The following TRIM23 variants were observed in gnomAD, a reference collection of about 807,000 sequenced individuals.
TRIM23 encodes the protein E3 ubiquitin-protein ligase TRIM23.
Under a neutral mutation model 71.0 loss-of-function variants are expected in TRIM23, and 27 were observed. The ratio of observed to expected loss-of-function variants is 0.38; its 90% CI spans 0.28 to 0.52. TRIM23 has a LOEUF of 0.52. Ranked by LOEUF, TRIM23 falls within the 20% of genes least tolerant of loss-of-function variation. TRIM23 has a pLI of 0.84. For synonymous variants in TRIM23, 234 were observed against 238.0 expected, an observed-to-expected ratio of 0.98 and a Z score of 0.16; for missense variants, 482 against 692.3, an observed-to-expected ratio of 0.70 and a Z score of 3.41.
chr5:65,622,236 G>A (rs2150645925), intron 1 of TRIM23, among the ~76,000 whole-genome samples: 1 of 152,294 alleles, frequency 6.6e-6, no homozygotes, highest in East Asian at 1.9e-4. Context: ...CACAAACTCA[G>A]CTCACTGCAA....
At position 65,624,234 on chromosome 5, in the gene TRIM23, T is replaced by C; in HGVS notation, c.41A>G (p.Asp14Gly). 6.2e-7 allele frequency: 1 copy of C among 1,614,194 alleles called. No individual in the cohort carries two copies. Among genetic ancestry groups the C allele is most frequent in the South Asian group, 1.1e-5 (1 of 91,086 alleles). The change falls in exon 1 of 11, where the codon GAC becomes GGC. Residue 14 changes from aspartate (D) to glycine (G), a missense_variant. Physicochemically the swap from Asp to Gly is moderately conservative, Grantham distance 94. This residue lies in a region of TRIM23 where 175 missense variants were observed against 196.5 expected (regional missense o/e 0.89). Transcript: ENST00000231524. Reference protein sequence around the residue: ...LVVNKLGAGVDSGRQGSRGTA... With the variant: ...LVVNKLGAGVGSGRQGSRGTA... Reference sequence around the variant, plus strand: ...CCCCCGGCTGCCCTGCCGGCCACTGTCTACTCCCGCTCCGAGCTTGTTTAC... The same window carrying C: ...CCCCCGGCTGCCCTGCCGGCCACTGCCTACTCCCGCTCCGAGCTTGTTTAC...
Position 65,591,905 on chromosome 5 carries a change from A to G in TRIM23, c.1589T>C (p.Leu530Pro). The G allele has an allele frequency of 6.2e-7, 1 of 1,613,922 alleles. No individual in the cohort carries two copies. Among genetic ancestry groups the G allele is most frequent in the Non-Finnish European group, 8.5e-7 (1 of 1,179,888 alleles). Residue 530 changes from leucine (L) to proline (P), a missense_variant, in exon 11 of 11, where the codon CTC (leucine) becomes CCC (proline). Leu to Pro is a moderately conservative substitution (Grantham distance 98). Coordinates refer to ENST00000231524, the MANE Select transcript of TRIM23 (RefSeq NM_001656.4). ...ALSVEEITELLSLHKLCCGRS... is the reference protein window; with the variant it reads ...ALSVEEITELPSLHKLCCGRS... ...GCCACAGCATAATTTATGGAGACTG[A>G]GTAGTTCAGTGATTTCTTCTACTGA...
intron 2 of TRIM23, among the ~76,000 whole-genome samples, chr5:65,616,977 CT>C (rs1754793508): frequency 6.6e-6 from 1 of 152,152 alleles, no homozygotes; most frequent in South Asian, 2.1e-4. Context: ...CCATCTTAGC[CT>C]TGCAAAGTTC....
intron 3 of TRIM23, chr5:65,613,779 T>C: frequency 8.0e-7 from 1 of 1,253,000 alleles, no homozygotes; most frequent in Non-Finnish European, 1.0e-6. Flanking sequence ...TTTTGCATCC[T>C]CTTCTCTACT....
intron 2 of TRIM23, among the ~76,000 whole-genome samples, chr5:65,617,673 T>C (rs145282586): frequency 1.4e-4 from 22 of 152,332 alleles, no homozygotes; most frequent in African/African-American, 4.1e-4. Flanking sequence ...CTTCTGTCCT[T>C]GATATTAGTA....
At chr5:65,614,781 G>A (rs1257293663) in intron 2 of TRIM23, among the ~76,000 whole-genome samples, 2 of 151,750 alleles carry the variant, frequency 1.3e-5, no homozygotes, top group Non-Finnish European at 2.9e-5. Context: ...AAATTATGGT[G>A]GTAAAGGCTG....
chr5:65,594,662 A>T lies in TRIM23; in HGVS notation c.1421-17T>A, dbSNP rs761987393. 2.7e-5 allele frequency: 42 copies of T among 1,532,046 alleles called. No homozygotes were observed. Among genetic ancestry groups the T allele is most frequent in the African/African-American group, 2.3e-4 (16 of 70,786 alleles). The allele number at this position is 1,532,046 out of a possible 1,614,324, so 94.9% of individuals were successfully genotyped here. ...ACACAACAGCTACCCAAAAAAAAAT[A>T]AAAAAAACAAAAATAGTCACTTGCT... On this transcript the variant is annotated splice_polypyrimidine_tract_variant and intron_variant, in intron 9 of 10. Transcript: ENST00000231524.
intron 2 of TRIM23, 93 bp from the exon 3 acceptor site, chr5:65,614,312 G>C: frequency 8.5e-7 from 1 of 1,175,182 alleles, no homozygotes; most frequent in Non-Finnish European, 1.2e-6. Context: ...ATATAGTTCA[G>C]TAGTTAATGT....
intron 7 of TRIM23, among the ~76,000 whole-genome samples, chr5:65,598,663 G>A (rs187188595): frequency 5.0e-4 from 76 of 151,894 alleles, no homozygotes; most frequent in Admixed American, 2.0e-3. Flanking sequence ...CAGAAGAATC[G>A]CTTGAACCCG....
chr5:65,603,694 A>T (rs984825777), intron 7 of TRIM23, among the ~76,000 whole-genome samples: 28 of 148,724 alleles, frequency 1.9e-4, no homozygotes, highest in South Asian at 6.3e-4. Flanking sequence ...TAATTAAATT[A>T]AAAAAAAACC....
At chr5:65,596,301 A>T in intron 9 of TRIM23, 120 bp downstream of exon 9, 1 of 686,322 alleles carries the variant, frequency 1.5e-6, no homozygotes, top group African/African-American at 1.8e-5. Context: ...AACTGGCCAC[A>T]GGTACTTAAG....
At chr5:65,618,370 T>C (rs1754827872) in intron 1 of TRIM23, 115 bp from the exon 2 acceptor site, 1 of 1,139,660 alleles carries the variant, frequency 8.8e-7, no homozygotes, top group Non-Finnish European at 1.2e-6. Flanking sequence ...TTTATTCCTC[T>C]ATGAAAAAAA....
Position 65,591,343 on chromosome 5 carries a change from G to C in TRIM23, c.*426C>G. 1 of 1,460,974 alleles carries C rather than the reference G, an allele frequency of 6.8e-7. No homozygotes were observed. The highest frequency in any genetic ancestry group is 1.5e-5 in the African/African-American group (1 of 67,288). 90.5% of individuals were successfully genotyped at this position (1,460,974 alleles called of 1,614,324 possible). ...AAATGCTGCCAACATTCAGTGAAAA[G>C]GCAGGTTAAAAGAAGCAGCTATACT... is the stretch of plus-strand genomic sequence containing the variant. On this transcript the variant is annotated 3_prime_UTR_variant, in exon 11 of 11. Coordinates refer to ENST00000231524, the MANE Select transcript of TRIM23 (RefSeq NM_001656.4).
Position 65,591,237 on chromosome 5 carries a change from G to T in TRIM23, c.*532C>A. 7.9e-7 allele frequency: 1 copy of T among 1,267,288 alleles called. No individual in the cohort carries two copies. 78.5% of individuals were successfully genotyped at this position (1,267,288 alleles called of 1,614,324 possible). A position where few individuals can be genotyped will look rare whatever the true frequency, so the allele number is the denominator to read the frequency against. On this transcript the variant is annotated 3_prime_UTR_variant, in exon 11 of 11. Transcript: ENST00000231524. ...GCATTAAAGGTGTTCTGTTAACTCT[G>T]AACATAAACATAAAGTAATCCTATT...
At position 65,591,406 on chromosome 5, in the gene TRIM23, T is replaced by C. The variant is rs201428738; in HGVS notation, c.*363A>G. 110 of 1,578,130 alleles carry C rather than the reference T, an allele frequency of 7.0e-5. No homozygotes were observed. In the African/African-American group the frequency reaches 1.1e-3, roughly 16 times the overall value. ...CACAGAGGTCTCATTAGGCACTCAA[T>C]TGGCTATTCTTTTTTCACTGAAAGA... On this transcript the variant is annotated 3_prime_UTR_variant, in exon 11 of 11. Transcript: ENST00000231524.
chr5:65,614,413 C>T (rs565811048), intron 2 of TRIM23, among the ~76,000 whole-genome samples, 194 bp from the exon 3 acceptor site: 33 of 152,280 alleles, frequency 2.2e-4, no homozygotes, highest in Non-Finnish European at 4.3e-4. Context: ...AATCCTTCAG[C>T]CTTCCAAGTA....
rs1239705972 is a variant in TRIM23, at chr5:65,594,427, T to C, written c.1545+94A>G. 6 of 1,384,986 alleles carry C rather than the reference T, an allele frequency of 4.3e-6. No individual in the cohort carries two copies. The Admixed American group carries it at 7.0e-5, about 16-fold the overall frequency. 85.8% of individuals were successfully genotyped at this position (1,384,986 alleles called of 1,614,324 possible). On this transcript the variant is annotated intron_variant, in intron 10 of 10. Coordinates refer to ENST00000231524, the MANE Select transcript of TRIM23 (RefSeq NM_001656.4). The stretch of plus-strand genomic sequence containing the variant: ...AAATACACAGAAGAAACTATAAATA[T>C]CTATTGAACTGATTGTCTTCTGAAA...
chr5:65,616,832 C>T (rs1754790526), intron 2 of TRIM23, among the ~76,000 whole-genome samples: 1 of 151,860 alleles, frequency 6.6e-6, no homozygotes, highest in Non-Finnish European at 1.5e-5. Context: ...AGCGATTCTC[C>T]TGCCTCAGCC....
intron 10 of TRIM23, among the ~76,000 whole-genome samples, chr5:65,592,967 C>T (rs1451718759): frequency 6.6e-6 from 1 of 152,142 alleles, no homozygotes; most frequent in Non-Finnish European, 1.5e-5. Context: ...CACATACATA[C>T]ATAAACATAC....
Sources: gnomAD v4.1 joint callset for allele counts (sites outside exome capture counted in the v4.1 genomes callset) on GRCh38, gnomAD v4.1.1 for gene constraint, gnomAD v4.1.1 regional missense constraint, MANE v1.5 for transcripts, NCBI Gene and HGNC (gene_info 2026-07-23, HGNC 2026-07-21) for gene names.